The following GAB2 variants were observed in gnomAD, a reference collection of about 807,000 sequenced individuals.
The protein encoded by GAB2 is GRB2-associated-binding protein 2.
A neutral mutation model predicts 65.5 loss-of-function variants in GAB2; 26 were observed. The observed-to-expected ratio is 0.40, with a 90% CI of 0.29 to 0.55. GAB2 has a LOEUF of 0.55. Among genes scored for constraint, GAB2 ranks in the 20% least tolerant of loss-of-function variants. The probability of loss-of-function intolerance (pLI) is 0.53; values close to 1 mark genes in which losing one functional copy is unlikely to be tolerated. For missense variants in GAB2, 884 were observed against 875.8 expected (o/e 1.01, Z -0.12); for synonymous variants, 321 against 329.6 (o/e 0.97, Z 0.28).
intron 7 of GAB2, 37 bp downstream of exon 7, chr11:78,222,068 C>G (rs117050028): frequency 0.012 from 16,863 of 1,383,166 alleles, 160 homozygotes; most frequent in Non-Finnish European, 0.015. Flanking sequence ...CCTAATGGCC[C>G]GACTCCAAGC....
chr11:78,366,370 AG>A (rs1252997830), intron 1 of GAB2, among the ~76,000 whole-genome samples: 2 of 152,132 alleles, frequency 1.3e-5, no homozygotes, highest in Non-Finnish European at 2.9e-5. Context: ...ACCTGAGGTC[AG>A]GAGTTCAAGG....
At chr11:78,410,721 T>C (rs1184735620) in intron 1 of GAB2, among the ~76,000 whole-genome samples, 1 of 152,178 alleles carries the variant, frequency 6.6e-6, no homozygotes, top group Admixed American at 6.5e-5. Flanking sequence ...GTAGATAATT[T>C]GAAGAACCCC....
At chr11:78,333,205 A>G (rs544000084) in intron 1 of GAB2, among the ~76,000 whole-genome samples, 1 of 152,334 alleles carries the variant, frequency 6.6e-6, no homozygotes, top group African/African-American at 2.4e-5. Context: ...ACACATACTG[A>G]TAAGTCCTTC....
intron 1 of GAB2, among the ~76,000 whole-genome samples, chr11:78,356,810 A>G (rs1400542784): frequency 6.6e-6 from 1 of 152,238 alleles, no homozygotes; most frequent in Non-Finnish European, 1.5e-5. Context: ...ATGGAATATG[A>G]TTTCAGCCTT....
chr11:78,349,072 A>G (rs556285800), intron 1 of GAB2, among the ~76,000 whole-genome samples: 4 of 152,360 alleles, frequency 2.6e-5, no homozygotes, highest in Admixed American at 2.0e-4. Context: ...TTTGGGGATG[A>G]TGCCAATGTT....
chr11:78,227,609 C>T (rs1864712718), intron 3 of GAB2, among the ~76,000 whole-genome samples: 1 of 131,974 alleles, frequency 7.6e-6, no homozygotes, highest in African/African-American at 3.1e-5. Context: ...AGCCTGGGAA[C>T]ACAATAAGAC....
chr11:78,228,632 T>C (rs1269050881), intron 3 of GAB2, among the ~76,000 whole-genome samples: 1 of 152,144 alleles, frequency 6.6e-6, no homozygotes, highest in Non-Finnish European at 1.5e-5. Flanking sequence ...AAGCCAGGCT[T>C]CCTCTCATGT....
At chr11:78,345,695 T>G (rs1856169053) in intron 1 of GAB2, among the ~76,000 whole-genome samples, 1 of 152,152 alleles carries the variant, frequency 6.6e-6, no homozygotes, top group South Asian at 2.1e-4. Context: ...AATGTTAATT[T>G]GAGAGTCCAC....
At chr11:78,242,233 T>C (rs543338907) in intron 3 of GAB2, among the ~76,000 whole-genome samples, 1 of 152,350 alleles carries the variant, frequency 6.6e-6, no homozygotes, top group South Asian at 2.1e-4. Flanking sequence ...CCGGGTGTGG[T>C]GGCTCATGCC....
chr11:78,351,880 T>A (rs1269287702), intron 1 of GAB2, among the ~76,000 whole-genome samples: 1 of 152,050 alleles, frequency 6.6e-6, no homozygotes, highest in African/African-American at 2.4e-5. Flanking sequence ...GACAGGGACT[T>A]GACCAAAAGG....
At chr11:78,374,511 T>C (rs1377262080) in intron 1 of GAB2, among the ~76,000 whole-genome samples, 1 of 152,190 alleles carries the variant, frequency 6.6e-6, no homozygotes, top group Non-Finnish European at 1.5e-5. Context: ...ACTAGATAAG[T>C]TAGTGAAGTT....
chr11:78,326,864 A>G (rs1475973777), intron 1 of GAB2, among the ~76,000 whole-genome samples: 2 of 152,236 alleles, frequency 1.3e-5, no homozygotes, highest in Admixed American at 6.5e-5. Context: ...GCTTTGGGAA[A>G]AAAAGTCTTA....
chr11:78,414,165 G>T (rs140462651), intron 1 of GAB2, among the ~76,000 whole-genome samples: 2 of 150,910 alleles, frequency 1.3e-5, no homozygotes, highest in Admixed American at 1.3e-4. Flanking sequence ...GCCATTCATC[G>T]TACGTACAGA....
intron 2 of GAB2, among the ~76,000 whole-genome samples, chr11:78,278,154 C>G (rs1371332450): frequency 6.6e-6 from 1 of 151,038 alleles, no homozygotes; most frequent in Non-Finnish European, 1.5e-5. Flanking sequence ...ACTGCAACCT[C>G]TGCCTCCCAG....
intron 3 of GAB2, among the ~76,000 whole-genome samples, chr11:78,227,285 C>T (rs1190299552): frequency 6.6e-6 from 1 of 152,156 alleles, no homozygotes; most frequent in African/African-American, 2.4e-5. Flanking sequence ...ACCCCCACTC[C>T]CTGAACAAGT....
intron 1 of GAB2, among the ~76,000 whole-genome samples, chr11:78,284,702 C>T (rs752095391): frequency 2.0e-5 from 3 of 152,136 alleles, no homozygotes; most frequent in Admixed American, 1.3e-4. Context: ...TCTTTCCCCC[C>T]TTACCCTGCT....
At chr11:78,219,480 GT>G in intron 9 of GAB2, 65 bp from the exon 10 acceptor site, 1 of 1,470,290 alleles carries the variant, frequency 6.8e-7, no homozygotes. Context: ...GAGGAAGAAG[GT>G]GGGCACGGGA....
intron 3 of GAB2, among the ~76,000 whole-genome samples, chr11:78,232,423 C>A (rs1370915307): frequency 6.6e-6 from 1 of 152,150 alleles, no homozygotes; most frequent in Non-Finnish European, 1.5e-5. Context: ...GAATGAGGCC[C>A]CAAAGGCTGG....
Position 78,379,855 on chromosome 11 carries a change from G to A in GAB2, c.75+37791C>T, listed in dbSNP as rs542712943. On this transcript the variant is annotated intron_variant, in intron 1 of 9. Transcript: ENST00000361507. The stretch of plus-strand genomic sequence containing the variant: ...GATCTTCTAGTAAGACCAAGAAAGT[G>A]CCAAAGTTGAAACTTGCAAAATACG... Among the ~76,000 whole-genome samples, 14 of 152,342 alleles carry A rather than the reference G, an allele frequency of 9.2e-5. No individual in the cohort carries two copies. In the East Asian group the frequency reaches 2.3e-3, roughly 25 times the overall value.
Sources: gnomAD v4.1 joint callset for allele counts (sites outside exome capture counted in the v4.1 genomes callset) on GRCh38, gnomAD v4.1.1 for gene constraint, MANE v1.5 for transcripts, NCBI Gene and HGNC (gene_info 2026-07-23, HGNC 2026-07-21) for gene names.